FOCAD: variants seen among roughly 807,000 people sequenced by gnomAD.
The protein encoded by FOCAD is KIAA1797.
A neutral mutation model predicts 225.6 loss-of-function variants in FOCAD; 198 were observed. The observed-to-expected ratio is 0.88, with a 90% CI of 0.78 to 0.99. The LOEUF is 0.99. FOCAD is among the 50% of genes least tolerant of loss of function. The pLI, the probability that FOCAD is intolerant of heterozygous loss-of-function variation, is 0.00. For missense variants in FOCAD, 2,713 were observed against 2,123.6 expected (o/e 1.28, Z -5.46); for synonymous variants, 897 against 755.0 (o/e 1.19, Z -3.08).
In FOCAD at chr9:20,778,714, G is replaced by A; in HGVS notation, c.940G>A (p.Ala314Thr). 4 of 1,612,402 alleles carry A rather than the reference G, an allele frequency of 2.5e-6. No homozygotes were observed. Among genetic ancestry groups the A allele is most frequent in the Non-Finnish European group, 3.4e-6 (4 of 1,178,928 alleles). Residue 314 changes from alanine (A) to threonine (T), a missense_variant, in exon 9 of 44, where the codon GCT becomes ACT. Transcript: ENST00000338382. ...TGTTGAACTGGTCATAATTGGAATAGCTTTACTACTTCTACAGACTCCAGC... is the reference window on the plus strand; with the variant it reads ...TGTTGAACTGGTCATAATTGGAATAACTTTACTACTTCTACAGACTCCAGC... ...FPVELVIIGI[A>T]LLLLQTPASQ...
intron 26 of FOCAD, among the ~76,000 whole-genome samples, chr9:20,928,601 G>C (rs1328116248): frequency 3.3e-5 from 5 of 152,086 alleles, no homozygotes; most frequent in African/African-American, 1.2e-4. Flanking sequence ...GATTCTTATA[G>C]AAGCTGTTCA....
At chr9:20,851,197 A>G (rs922009031) in intron 15 of FOCAD, among the ~76,000 whole-genome samples, 2 of 149,598 alleles carry the variant, frequency 1.3e-5, no homozygotes, top group Admixed American at 6.7e-5. Context: ...GTTGAAAACC[A>G]TGAAAGAGTT....
intron 10 of FOCAD, chr9:20,787,079 C>T: frequency 3.5e-6 from 1 of 284,826 alleles, no homozygotes; most frequent in South Asian, 3.2e-5. Context: ...TAACCTTAGG[C>T]AAACAAACAA....
chr9:20,982,256 G>A (rs1840764555), intron 38 of FOCAD, 101 bp from the exon 39 acceptor site: 1 of 734,896 alleles, frequency 1.4e-6, no homozygotes, highest in African/African-American at 1.8e-5. Context: ...AATCTCATCA[G>A]CTGCTGTTCA....
At chr9:20,820,210 C>A in intron 12 of FOCAD, 114 bp from the exon 13 acceptor site, 1 of 708,954 alleles carries the variant, frequency 1.4e-6, no homozygotes, top group South Asian at 2.1e-5. Flanking sequence ...AATATTGCAG[C>A]AAGCTTTCTT....
chr9:20,710,324 G>C (rs568533844), intron 1 of FOCAD, among the ~76,000 whole-genome samples: 2 of 148,280 alleles, frequency 1.3e-5, no homozygotes, highest in Admixed American at 6.9e-5. Flanking sequence ...TACTGGGCAC[G>C]GTGGCTCACA....
chr9:20,968,149 T>C (rs1839432336), intron 35 of FOCAD, among the ~76,000 whole-genome samples: 1 of 152,120 alleles, frequency 6.6e-6, no homozygotes. Flanking sequence ...ATAGGTCTGT[T>C]AAACTTTCTA....
upstream of FOCAD, among the ~76,000 whole-genome samples, chr9:20,655,631 G>C (rs1046640227): frequency 6.6e-6 from 1 of 152,034 alleles, no homozygotes; most frequent in Admixed American, 6.6e-5. Flanking sequence ...TAAGAGATAA[G>C]ACATTTTTTA....
intron 14 of FOCAD, among the ~76,000 whole-genome samples, chr9:20,822,012 A>G (rs1824379348): frequency 6.7e-6 from 1 of 150,272 alleles, no homozygotes; most frequent in Admixed American, 6.6e-5. Context: ...AAAAAAAAAA[A>G]AAAAAAAAAA....
intron 1 of FOCAD, among the ~76,000 whole-genome samples, chr9:20,698,485 C>T (rs1823569645): frequency 6.6e-6 from 1 of 152,078 alleles, no homozygotes; most frequent in African/African-American, 2.4e-5. Context: ...ACTGCAGTCT[C>T]GACCTCCTGG....
At chr9:20,991,047 G>A (rs892635701) in intron 42 of FOCAD, among the ~76,000 whole-genome samples, 11 of 152,142 alleles carry the variant, frequency 7.2e-5, no homozygotes, top group South Asian at 2.1e-4. Flanking sequence ...GGGGTGGGGC[G>A]GGAGAAGGAG....
intron 14 of FOCAD, 119 bp from the exon 15 acceptor site, chr9:20,822,870 C>A: frequency 1.2e-6 from 1 of 821,374 alleles, no homozygotes; most frequent in Non-Finnish European, 1.7e-6. Context: ...ATTTGAGGGT[C>A]ACCATTTAGT....
In FOCAD at chr9:20,800,969, C is replaced by G. The variant is rs530626824; in HGVS notation, c.1455+11361C>G. On this transcript the variant is annotated intron_variant, in intron 11 of 43. Coordinates refer to ENST00000338382, the MANE Select transcript of FOCAD (RefSeq NM_001375567.1). Reference sequence around the variant, plus strand: ...TTTTTCTGCTCTGTTTTTTCCCCATCTTTGTGGTTTTATCTACGTTAGGTC... The same window carrying G: ...TTTTTCTGCTCTGTTTTTTCCCCATGTTTGTGGTTTTATCTACGTTAGGTC... Among the ~76,000 whole-genome samples, 3 of 152,226 alleles carry G rather than the reference C, an allele frequency of 2.0e-5. No homozygotes were observed. In the East Asian group the frequency reaches 5.8e-4, roughly 30 times the overall value.
chr9:20,763,105 G>C (rs1383778362), intron 6 of FOCAD, among the ~76,000 whole-genome samples: 1 of 152,074 alleles, frequency 6.6e-6, no homozygotes, highest in African/African-American at 2.4e-5. Flanking sequence ...TTATATATAA[G>C]AATGTGAAAA....
chr9:20,783,268 A>C (rs1819581600), intron 10 of FOCAD, among the ~76,000 whole-genome samples: 1 of 152,162 alleles, frequency 6.6e-6, no homozygotes, highest in Admixed American at 6.5e-5. Context: ...GGAGGGGCAG[A>C]ATTACTATTA....
chr9:20,684,851 G>A (rs773702369), intron 1 of FOCAD, among the ~76,000 whole-genome samples: 2 of 152,212 alleles, frequency 1.3e-5, no homozygotes, highest in Non-Finnish European at 2.9e-5. Flanking sequence ...CTAGTTCTCT[G>A]GCTCCGTCCG....
At chr9:20,762,404 T>A (rs1669735547) in intron 6 of FOCAD, among the ~76,000 whole-genome samples, 1 of 152,212 alleles carries the variant, frequency 6.6e-6, no homozygotes, top group South Asian at 2.1e-4. Flanking sequence ...GATAAAAAAA[T>A]TTCTTCAGAC....
intron 15 of FOCAD, among the ~76,000 whole-genome samples, chr9:20,837,147 T>C (rs1826068100): frequency 6.6e-6 from 1 of 152,100 alleles, no homozygotes; most frequent in African/African-American, 2.4e-5. Context: ...CCGTGCTTTA[T>C]TTTTATCCAT....
At chr9:20,752,861 A>G (rs1024498914) in intron 5 of FOCAD, among the ~76,000 whole-genome samples, 1 of 151,732 alleles carries the variant, frequency 6.6e-6, no homozygotes, top group Admixed American at 6.6e-5. Context: ...GTTCTCCTTG[A>G]AGAGGTCCTT....
Sources: gnomAD v4.1 joint callset for allele counts (sites outside exome capture counted in the v4.1 genomes callset) on GRCh38, gnomAD v4.1.1 for gene constraint, MANE v1.5 for transcripts, NCBI Gene and HGNC (gene_info 2026-07-23, HGNC 2026-07-21) for gene names.